The following EPRS1 variants were observed in gnomAD, a reference collection of about 807,000 sequenced individuals.
EPRS1 encodes glutamyl-prolyl-tRNA synthetase 1.
EPRS1 carries 107 observed loss-of-function variants against 188.3 expected under a neutral mutation model. The observed-to-expected ratio is 0.57, with a 90% CI of 0.49 to 0.67. The LOEUF (loss-of-function observed/expected upper bound fraction) is 0.67, where lower values mean the gene tolerates loss of function less well. Ranked by LOEUF, EPRS1 falls within the 30% of genes least tolerant of loss-of-function variation. The pLI is 0.00. For missense variants in EPRS1, 1,577 were observed against 1,802.2 expected (o/e 0.88, Z 2.26); for synonymous variants, 596 against 593.1 (o/e 1.00, Z -0.07).
Position 220,007,213 on chromosome 1 carries a change from T to C in EPRS1, c.1731A>G (p.Thr577=). The C allele has an allele frequency of 6.2e-7, 1 of 1,610,624 alleles. No individual in the cohort carries two copies. Among genetic ancestry groups the C allele is most frequent in the Non-Finnish European group, 8.5e-7 (1 of 1,178,986 alleles). ...CAAAAAGTTCTTACTTGTGTATTTTTGTAATGTTGAGGTTGCCCCAATTTA... is the reference window on the plus strand; with the variant it reads ...CAAAAAGTTCTTACTTGTGTATTTTCGTAATGTTGAGGTTGCCCCAATTTA... The part of the protein sequence containing the change: ...TFINWGNLNI[T]KIHKNADGKI... Residue 577 remains threonine (T), a synonymous_variant, in exon 14 of 32, where the codon ACA becomes ACG. Coordinates refer to ENST00000366923, the MANE Select transcript of EPRS1 (RefSeq NM_004446.3).
intron 18 of EPRS1, among the ~76,000 whole-genome samples, chr1:219,990,885 T>C (rs1661107832): frequency 6.6e-6 from 1 of 152,114 alleles, no homozygotes; most frequent in Non-Finnish European, 1.5e-5. Context: ...GAGAGAGCAT[T>C]GCTAGTAGAT....
chr1:220,041,060 A>G (rs1015612835), intron 1 of EPRS1, among the ~76,000 whole-genome samples: 1 of 150,614 alleles, frequency 6.6e-6, no homozygotes, highest in Non-Finnish European at 1.5e-5. Context: ...AAAGGACATG[A>G]TATCTCAAGC....
At chr1:219,987,481 C>A in intron 19 of EPRS1, 77 bp from the exon 20 acceptor site, 1 of 1,244,716 alleles carries the variant, frequency 8.0e-7, no homozygotes, top group Non-Finnish European at 1.1e-6. Flanking sequence ...TAAACAAATA[C>A]AATGCTCAAA....
intron 20 of EPRS1, among the ~76,000 whole-genome samples, chr1:219,984,917 G>A (rs1399141354): frequency 2.0e-5 from 3 of 152,152 alleles, no homozygotes; most frequent in East Asian, 1.9e-4. Context: ...GCGCATGCTT[G>A]TAATCCCAGC....
chr1:219,973,819 T>C (rs1660718479), intron 28 of EPRS1, among the ~76,000 whole-genome samples: 1 of 152,212 alleles, frequency 6.6e-6, no homozygotes, highest in Admixed American at 6.5e-5. Flanking sequence ...GGTTGAAAAG[T>C]CCTCATTCTG....
At chr1:219,990,038 GATGACTAT>G (rs1661088935) in intron 18 of EPRS1, among the ~76,000 whole-genome samples, 1 of 150,660 alleles carries the variant, frequency 6.6e-6, no homozygotes, top group African/African-American at 2.4e-5. Context: ...ATGACTATTT[GATGACTAT>G]TTGAAAGAAG....
At chr1:219,969,786 T>C (rs1470108639) in intron 30 of EPRS1, among the ~76,000 whole-genome samples, 1 of 152,196 alleles carries the variant, frequency 6.6e-6, no homozygotes, top group Non-Finnish European at 1.5e-5. Context: ...GGTTTTCTTT[T>C]AATAAATTGT....
rs552975173 is a variant in EPRS1 at position 219,980,374 on chromosome 1, G to C, written c.3556-134C>G. The C allele has an allele frequency of 3.3e-5, 21 of 637,504 alleles. No homozygotes were observed. In the Admixed American group the frequency reaches 4.3e-4, roughly 13 times the overall value. The allele number at this position is 637,504 out of a possible 1,614,324, so 39.5% of individuals were successfully genotyped here. On this transcript the variant is annotated intron_variant, in intron 25 of 31. Transcript: ENST00000366923. ...AATAAAAACCTCTTTTTATGAAAAG[G>C]TTAAAGCAGCCAGTGTGAACTTATT...
At chr1:220,009,674 G>C (rs1661562382) in intron 13 of EPRS1, among the ~76,000 whole-genome samples, 2 of 150,084 alleles carry the variant, frequency 1.3e-5, no homozygotes, top group South Asian at 2.1e-4. Flanking sequence ...ACCAGAGCAA[G>C]GCCCATTTCA....
At chr1:220,038,774 G>A (rs1362063648) in intron 2 of EPRS1, among the ~76,000 whole-genome samples, 3 of 152,092 alleles carry the variant, frequency 2.0e-5, no homozygotes, top group Admixed American at 6.6e-5. Flanking sequence ...GGAAGTGGGC[G>A]CAGGGAGGTG....
At chr1:219,978,786 G>A in intron 27 of EPRS1, 67 bp from the exon 28 acceptor site, 2 of 1,216,338 alleles carry the variant, frequency 1.6e-6, no homozygotes, top group Non-Finnish European at 2.3e-6. Context: ...GCTCTCAGAA[G>A]TCGAAACCTA....
Position 220,032,400 on chromosome 1 carries a change from G to A in EPRS1, c.515C>T (p.Thr172Ile). The A allele has an allele frequency of 6.2e-7, 1 of 1,603,100 alleles. No individual in the cohort carries two copies. The highest frequency in any genetic ancestry group is 1.4e-5 in the African/African-American group (1 of 73,984). ...SVGTKWDVST[T>I]KARVAPEKKQ... ...AAAAAGGCTTACCACTCGAGCTTTG[G>A]TTGTTGAAACATCCCACTTGGTACC... Residue 172 changes from threonine (T) to isoleucine (I), a missense_variant, in exon 5 of 32, where the codon ACC becomes ATC. Physicochemically the swap from Thr to Ile is moderately conservative, Grantham distance 89. Transcript: ENST00000366923.
At chr1:220,006,043 A>C in intron 15 of EPRS1, 63 bp downstream of exon 15, 2 of 952,420 alleles carry the variant, frequency 2.1e-6, no homozygotes, top group Non-Finnish European at 3.1e-6. Context: ...AATATATAAA[A>C]TTAATTTTTT....
chr1:220,042,042 G>A (rs187091417), intron 1 of EPRS1, among the ~76,000 whole-genome samples: 190 of 152,140 alleles, frequency 1.2e-3, no homozygotes, highest in African/African-American at 4.1e-3. Context: ...TTAGCTGGGC[G>A]TGGCAGCACA....
At chr1:220,039,254 C>A (rs1662248492) in intron 2 of EPRS1, among the ~76,000 whole-genome samples, 1 of 152,072 alleles carries the variant, frequency 6.6e-6, no homozygotes, top group Admixed American at 6.6e-5. Flanking sequence ...CAGCTGGGTG[C>A]CAAGGGATCC....
intron 12 of EPRS1, 39 bp downstream of exon 12, chr1:220,018,410 T>A (rs377270862): frequency 6.1e-5 from 90 of 1,477,458 alleles, no homozygotes; most frequent in Non-Finnish European, 7.9e-5. Context: ...ATTTGGGACT[T>A]AAGCATGAGA....
At chr1:220,004,110 C>T (rs1337443577) in intron 16 of EPRS1, among the ~76,000 whole-genome samples, 7 of 152,186 alleles carry the variant, frequency 4.6e-5, no homozygotes, top group Admixed American at 6.5e-5. Context: ...TCACTGTAAC[C>T]TTGAACTTGT....
chr1:220,008,107 C>CAAAA (rs55642831), intron 13 of EPRS1, among the ~76,000 whole-genome samples: 2 of 133,348 alleles, frequency 1.5e-5, no homozygotes, highest in African/African-American at 2.9e-5. Context: ...ACTCCGTCAC[C>CAAAA]AAAAAAAAAA....
chr1:220,018,876 G>T, intron 11 of EPRS1, 119 bp downstream of exon 11: 1 of 610,180 alleles, frequency 1.6e-6, no homozygotes, highest in Non-Finnish European at 2.7e-6. Context: ...ATCTGCCCTT[G>T]GATCATAAGG....
Sources: allele counts gnomAD v4.1 joint callset (sites outside exome capture counted in the v4.1 genomes callset), GRCh38; gene constraint gnomAD v4.1.1; transcripts MANE v1.5; gene names NCBI Gene and HGNC (gene_info 2026-07-23, HGNC 2026-07-21).